Variants in ATP8A2 observed in about 807,000 individuals in gnomAD.
ATP8A2 encodes the protein phospholipid-transporting ATPase IB.
A neutral mutation model predicts 165.6 loss-of-function variants in ATP8A2; 100 were observed. That is an observed-to-expected ratio of 0.60 (90% CI 0.51 to 0.71). ATP8A2 has a LOEUF of 0.71. Among genes scored for constraint, ATP8A2 ranks in the 30% least tolerant of loss-of-function variants. The pLI, the probability that ATP8A2 is intolerant of heterozygous loss-of-function variation, is 0.00. For missense variants in ATP8A2, 1,227 were observed against 1,479.5 expected (o/e 0.83, Z 2.80); for synonymous variants, 543 against 548.8 (o/e 0.99, Z 0.15).
At chr13:25,398,912 GA>G (rs5802333) in intron 1 of ATP8A2, among the ~76,000 whole-genome samples, 6 of 151,484 alleles carry the variant, frequency 4.0e-5, no homozygotes, top group African/African-American at 1.5e-4. Flanking sequence ...TAATGCATAT[GA>G]AAAAAAAATA....
chr13:25,516,545 C>T lies in ATP8A2; in HGVS notation c.222-13454C>T, dbSNP rs192518516. Among the ~76,000 whole-genome samples, 134 of 152,206 alleles carry T rather than the reference C, an allele frequency of 8.8e-4. 1 individual carries two copies. The highest frequency in any genetic ancestry group is 3.1e-3 in the African/African-American group (129 of 41,534). The stretch of plus-strand genomic sequence containing the variant: ...TAGAGTTTCACACGCTGACCTGTTG[C>T]GTTTCTTTTGGGGCAGTGGCTGCAT... On this transcript the variant is annotated intron_variant, in intron 2 of 36. Transcript: ENST00000381655.
At chr13:25,948,216 C>T (rs561529717) in intron 33 of ATP8A2, among the ~76,000 whole-genome samples, 79 of 152,036 alleles carry the variant, frequency 5.2e-4, no homozygotes, top group Middle Eastern at 3.4e-3. Flanking sequence ...AGGAGCAGAT[C>T]GTACTCCCTG....
Position 25,719,065 on chromosome 13 carries a change from G to A in ATP8A2, c.2384+19720G>A, listed in dbSNP as rs555041244. Among the ~76,000 whole-genome samples the A allele has an allele frequency of 5.3e-5, 8 of 152,324 alleles. No homozygotes were observed. In the South Asian group the frequency reaches 1.2e-3, roughly 24 times the overall value. Reference sequence around the variant, plus strand: ...GTGAAAAACTTACAGGTCAGTTTCTGGGAGTGCTTTTCTTCCTGGACTTTC... The same window carrying A: ...GTGAAAAACTTACAGGTCAGTTTCTAGGAGTGCTTTTCTTCCTGGACTTTC... On this transcript the variant is annotated intron_variant, in intron 25 of 36. Coordinates refer to ENST00000381655, the MANE Select transcript of ATP8A2 (RefSeq NM_016529.6).
intron 1 of ATP8A2, among the ~76,000 whole-genome samples, chr13:25,395,307 G>A (rs774596943): frequency 7.2e-5 from 11 of 151,844 alleles, no homozygotes; most frequent in Non-Finnish European, 1.0e-4. Flanking sequence ...GGGCCTGAGG[G>A]GGCTTCTGTC....
At chr13:25,838,322 A>G (rs1286045339) in intron 29 of ATP8A2, among the ~76,000 whole-genome samples, 1 of 152,192 alleles carries the variant, frequency 6.6e-6, no homozygotes, top group African/African-American at 2.4e-5. Flanking sequence ...CATCCGAGGC[A>G]GGGAAGAAAC....
chr13:25,691,875 G>C (rs1174796877), intron 24 of ATP8A2, among the ~76,000 whole-genome samples: 5 of 152,154 alleles, frequency 3.3e-5, no homozygotes, highest in Non-Finnish European at 5.9e-5. Context: ...GCCCAAAGTG[G>C]ATTTGCTATA....
At chr13:25,452,003 T>C (rs561527202) in intron 1 of ATP8A2, among the ~76,000 whole-genome samples, 36 of 151,986 alleles carry the variant, frequency 2.4e-4, no homozygotes, top group Admixed American at 1.1e-3. Flanking sequence ...TACAGGCGCC[T>C]GCCACCACAC....
chr13:25,984,436 T>G (rs1381863363), intron 35 of ATP8A2, among the ~76,000 whole-genome samples: 1 of 150,100 alleles, frequency 6.7e-6, no homozygotes, highest in Non-Finnish European at 1.5e-5. Flanking sequence ...AAACCCCACC[T>G]CTACTAAAAA....
chr13:25,859,575 AAG>A (rs1245108742), intron 30 of ATP8A2, among the ~76,000 whole-genome samples: 1 of 151,814 alleles, frequency 6.6e-6, no homozygotes, highest in Non-Finnish European at 1.5e-5. Flanking sequence ...AAAAAAAAAA[AAG>A]GAAAATATAG....
intron 2 of ATP8A2, among the ~76,000 whole-genome samples, chr13:25,500,105 A>T (rs1211717042): frequency 6.6e-6 from 1 of 152,170 alleles, no homozygotes; most frequent in African/African-American, 2.4e-5. Context: ...TTTTATAGTT[A>T]TCAAAGTGCC....
rs1259554058 is a variant in ATP8A2 at position 25,953,521 on chromosome 13, T to TA, written c.3184-8054_3184-8053insA. 6.8e-5 allele frequency among the ~76,000 whole-genome samples: 7 copies of TA among 103,012 alleles called. No homozygotes were observed. Among genetic ancestry groups the TA allele is most frequent in the Non-Finnish European group, 1.2e-4 (6 of 48,060 alleles). 67.6% of individuals were successfully genotyped at this position (103,012 alleles called of 152,430 possible). ...TGTAGCCCTGGTTACTCCAGCCTTT[T>TA]TAAAAAAAAAAAAAAAAAAAAAAAA... is the stretch of plus-strand genomic sequence containing the variant. On this transcript the variant is annotated intron_variant, in intron 33 of 36. Transcript: ENST00000381655. This position sits in a 1 kb window ranked among gnomAD's most constrained non-coding sequence, Gnocchi z 6.7.
At chr13:25,683,381 G>T (rs1330361901) in intron 24 of ATP8A2, among the ~76,000 whole-genome samples, 1 of 152,158 alleles carries the variant, frequency 6.6e-6, no homozygotes, top group Admixed American at 6.5e-5. Context: ...CTTAAAATGC[G>T]TGATTTCGTA....
chr13:25,833,521 G>A (rs1416571606), intron 28 of ATP8A2, among the ~76,000 whole-genome samples: 1 of 152,020 alleles, frequency 6.6e-6, no homozygotes, highest in Non-Finnish European at 1.5e-5. Flanking sequence ...GGAGATTCTA[G>A]AACTACATTC....
chr13:25,420,923 C>G (rs947742701), intron 1 of ATP8A2, among the ~76,000 whole-genome samples: 1 of 152,170 alleles, frequency 6.6e-6, no homozygotes, highest in African/African-American at 2.4e-5. Flanking sequence ...TCTGTACAAA[C>G]CTCTACCTAC....
intron 36 of ATP8A2, among the ~76,000 whole-genome samples, chr13:26,015,824 G>A (rs1312556144): frequency 2.6e-5 from 4 of 152,218 alleles, no homozygotes; most frequent in African/African-American, 9.7e-5. Context: ...TTTTCTGGCT[G>A]TTAGGACTTC....
chr13:25,788,827 G>A (rs1433545962), intron 27 of ATP8A2, among the ~76,000 whole-genome samples: 4 of 152,192 alleles, frequency 2.6e-5, no homozygotes, highest in African/African-American at 9.7e-5. Flanking sequence ...GTGGTCACCA[G>A]TTTACAACTG....
intron 2 of ATP8A2, among the ~76,000 whole-genome samples, chr13:25,513,019 C>G (rs1404326613): frequency 6.7e-6 from 1 of 149,064 alleles, no homozygotes; most frequent in Admixed American, 6.6e-5. Flanking sequence ...CTGACCCCCC[C>G]CACCTCCCTC....
In ATP8A2 at chr13:25,599,086, G is replaced by GA. The variant is rs535463048; in HGVS notation, c.2211+9393dup. ...AGTTGTTCTTTTTTCATATATATGA[G>GA]AAAAAATATATGTATCTATTTTAGG... On this transcript the variant is annotated intron_variant, in intron 24 of 36. Transcript: ENST00000381655. Among the ~76,000 whole-genome samples, 178 of 151,748 alleles carry GA rather than the reference G, an allele frequency of 1.2e-3. 3 individuals are homozygous for GA. Among genetic ancestry groups the GA allele is most frequent in the African/African-American group, 4.0e-3 (165 of 41,376 alleles).
Position 25,899,295 on chromosome 13 carries a change from C to A in ATP8A2, c.3183+36887C>A, listed in dbSNP as rs184213727. Among the ~76,000 whole-genome samples, 814 of 152,286 alleles carry A rather than the reference C, an allele frequency of 5.3e-3. 14 individuals are homozygous for A. The highest frequency in any genetic ancestry group is 0.019 in the African/African-American group (796 of 41,542). On this transcript the variant is annotated intron_variant, in intron 33 of 36. Transcript: ENST00000381655. ...GGGATGGCCTGCCAGTATGCCCTGG[C>A]AATTCTGTGTTACAGGTGCTGTCCT...
Sources: gnomAD v4.1 joint callset for allele counts (sites outside exome capture counted in the v4.1 genomes callset) on GRCh38, gnomAD v4.1.1 for gene constraint, Gnocchi (gnomAD v3.1) non-coding constraint, MANE v1.5 for transcripts, NCBI Gene and HGNC (gene_info 2026-07-23, HGNC 2026-07-21) for gene names.